Variants in NFKB1 observed in about 807,000 individuals in gnomAD.
NFKB1 encodes the protein nuclear factor kappa B subunit 1.
Under a neutral mutation model 105.1 loss-of-function variants are expected in NFKB1, and 9 were observed. The ratio of observed to expected loss-of-function variants is 0.09; its 90% CI spans 0.05 to 0.15. NFKB1 has a LOEUF of 0.15. Ranked by LOEUF, NFKB1 falls within the 10% of genes least tolerant of loss-of-function variation. The pLI is 1.00. For synonymous variants in NFKB1, 440 were observed against 442.2 expected, an observed-to-expected ratio of 1.00 and a Z score of 0.06; for missense variants, 830 against 1,203.7, an observed-to-expected ratio of 0.69 and a Z score of 4.59.
chr4:102,592,215 A>G (rs1164786969), intron 11 of NFKB1, among the ~76,000 whole-genome samples: 1 of 152,230 alleles, frequency 6.6e-6, no homozygotes, highest in Non-Finnish European at 1.5e-5. Context: ...ACATTCTTGA[A>G]ATGACAATAA....
At chr4:102,535,261 A>G (rs949434552) in intron 4 of NFKB1, among the ~76,000 whole-genome samples, 5 of 152,284 alleles carry the variant, frequency 3.3e-5, no homozygotes, top group East Asian at 3.9e-4. Flanking sequence ...ATTTGTCTGC[A>G]TATGCCAAAG....
chr4:102,578,808 G>C (rs749116819), intron 7 of NFKB1, 73 bp from the exon 8 acceptor site: 12 of 1,487,376 alleles, frequency 8.1e-6, no homozygotes, highest in Non-Finnish European at 9.2e-6. Flanking sequence ...CATTATTTGG[G>C]CTTTATAAAA....
chr4:102,614,122 C>G (rs956962264), intron 23 of NFKB1, among the ~76,000 whole-genome samples: 2 of 152,186 alleles, frequency 1.3e-5, no homozygotes, highest in Non-Finnish European at 2.9e-5. Context: ...TCCTTCCCTC[C>G]CCTTACTCAT....
chr4:102,589,786 C>T (rs560698357), intron 11 of NFKB1, among the ~76,000 whole-genome samples: 4 of 151,434 alleles, frequency 2.6e-5, no homozygotes, highest in South Asian at 2.1e-4. Flanking sequence ...TTTGAAAAAA[C>T]GAAATAAAAC....
intron 14 of NFKB1, among the ~76,000 whole-genome samples, chr4:102,597,095 G>C (rs776043075): frequency 1.3e-5 from 2 of 152,184 alleles, no homozygotes; most frequent in Non-Finnish European, 2.9e-5. Flanking sequence ...GTTTATGGCA[G>C]AGATGTGTGT....
intron 5 of NFKB1, among the ~76,000 whole-genome samples, chr4:102,559,040 T>A (rs1297067309): frequency 6.6e-6 from 1 of 152,088 alleles, no homozygotes; most frequent in East Asian, 1.9e-4. Context: ...TATACAGGTA[T>A]ACAGATGTCC....
At chr4:102,534,695 A>G (rs1741529217) in intron 4 of NFKB1, among the ~76,000 whole-genome samples, 1 of 152,188 alleles carries the variant, frequency 6.6e-6, no homozygotes. Context: ...TTGGATGGAT[A>G]AACTAATCAC....
chr4:102,555,393 A>C (rs1219675743), intron 5 of NFKB1, among the ~76,000 whole-genome samples: 5 of 152,188 alleles, frequency 3.3e-5, no homozygotes, highest in Admixed American at 6.6e-5. Flanking sequence ...AGAGAAAATT[A>C]AATAGTGCCT....
chr4:102,577,125 C>T, intron 7 of NFKB1, 86 bp downstream of exon 7: 2 of 1,361,942 alleles, frequency 1.5e-6, no homozygotes, highest in Non-Finnish European at 2.0e-6. Flanking sequence ...ATCTGCATCC[C>T]TTCCAGTCTC....
Position 102,597,588 on chromosome 4 carries a change from G to T in NFKB1, c.1564G>T (p.Val522Leu), listed in dbSNP as rs1416049980. The stretch of plus-strand genomic sequence containing the variant: ...TGCCAATGCCCTTTTCGACTACGCG[G>T]TGACAGGAGACGTGAAGATGCTGCT... ...RHANALFDYA[V>L]TGDVKMLLAV... Residue 522 changes from valine to leucine, a missense_variant, in exon 15 of 24, where the codon GTG (valine) becomes TTG (leucine). By Grantham distance (32) the Val-to-Leu change is conservative. Transcript: ENST00000226574. 6.2e-7 allele frequency: 1 copy of T among 1,614,002 alleles called. No homozygotes were observed. The highest frequency in any genetic ancestry group is 1.1e-5 in the South Asian group (1 of 91,014).
At chr4:102,551,347 GGTGT>G (rs199492662) in intron 5 of NFKB1, among the ~76,000 whole-genome samples, 48 of 139,098 alleles carry the variant, frequency 3.5e-4, no homozygotes, top group Admixed American at 2.2e-3. Flanking sequence ...ATTCTAAATT[GGTGT>G]GTGTGTGTGT....
At chr4:102,517,854 T>G (rs756259133) in intron 1 of NFKB1, among the ~76,000 whole-genome samples, 1 of 152,198 alleles carries the variant, frequency 6.6e-6, no homozygotes, top group Non-Finnish European at 1.5e-5. Flanking sequence ...GGGTTTTGAT[T>G]AGGACATAGT....
At chr4:102,564,075 C>G (rs1412828539) in intron 5 of NFKB1, among the ~76,000 whole-genome samples, 1 of 152,056 alleles carries the variant, frequency 6.6e-6, no homozygotes, top group Non-Finnish European at 1.5e-5. Flanking sequence ...CCGTCTCGGC[C>G]TCCCAAAGTG....
chr4:102,540,161 G>A (rs1368980043), intron 5 of NFKB1, among the ~76,000 whole-genome samples: 1 of 152,020 alleles, frequency 6.6e-6, no homozygotes, highest in Non-Finnish European at 1.5e-5. Flanking sequence ...GACTGGCTTG[G>A]CACAAAAAAT....
chr4:102,525,446 T>C (rs1578720911), intron 1 of NFKB1, 66 bp from the exon 2 acceptor site: 1 of 1,479,800 alleles, frequency 6.8e-7, no homozygotes, highest in East Asian at 2.3e-5. Context: ...ATGAATTCCA[T>C]GGTGATAGAA....
At chr4:102,594,364 A>AGAG (rs1336194990) in intron 12 of NFKB1, among the ~76,000 whole-genome samples, 1 of 152,200 alleles carries the variant, frequency 6.6e-6, no homozygotes, top group Non-Finnish European at 1.5e-5. Context: ...TTTGTAAATT[A>AGAG]GAGTCTTTGT....
intron 1 of NFKB1, among the ~76,000 whole-genome samples, chr4:102,519,075 G>A (rs978967234): frequency 5.3e-5 from 8 of 151,974 alleles, no homozygotes; most frequent in Non-Finnish European, 1.0e-4. Context: ...TGCCACAACC[G>A]TAAGCTCTGT....
chr4:102,534,159 A>G (rs1034028628), intron 4 of NFKB1, among the ~76,000 whole-genome samples: 3 of 152,196 alleles, frequency 2.0e-5, no homozygotes, highest in Non-Finnish European at 4.4e-5. Flanking sequence ...TGTCTCTACC[A>G]GCTTAACTTA....
At chr4:102,547,254 A>T (rs1205726341) in intron 5 of NFKB1, among the ~76,000 whole-genome samples, 1 of 152,228 alleles carries the variant, frequency 6.6e-6, no homozygotes, top group African/African-American at 2.4e-5. Context: ...TAAATGTGCG[A>T]CACTGAAAAT....
Sources: allele counts gnomAD v4.1 joint callset (sites outside exome capture counted in the v4.1 genomes callset), GRCh38; gene constraint gnomAD v4.1.1; transcripts MANE v1.5; gene names NCBI Gene and HGNC (gene_info 2026-07-23, HGNC 2026-07-21).